The following CASK variants were observed in gnomAD, a reference collection of about 807,000 sequenced individuals.
CASK encodes the protein calcium/calmodulin dependent serine protein kinase, also known as peripheral plasma membrane protein CASK.
Under a neutral mutation model 82.9 loss-of-function variants are expected in CASK, and 4 were observed. That is an observed-to-expected ratio of 0.05 (90% confidence interval 0.02 to 0.11). The LOEUF (loss-of-function observed/expected upper bound fraction) is 0.11, where lower values mean the gene tolerates loss of function less well. CASK is among the 10% of genes least tolerant of loss of function. CASK has a pLI of 1.00. For missense variants in CASK, 358 were observed against 720.9 expected (o/e 0.50, Z 5.76); for synonymous variants, 259 against 253.5 (o/e 1.02, Z -0.20).
At position 41,758,440 on chromosome X, in the gene CASK, A is replaced by G. The variant is rs181891863; in HGVS notation, c.279-12839T>C. Among the ~76,000 whole-genome samples the G allele has an allele frequency of 3.6e-3, 395 of 108,969 alleles. 8 individuals are homozygous for G. The Admixed American group carries it at 0.037, about 10-fold the overall frequency. 94.6% of individuals were successfully genotyped at this position (108,969 alleles called of 115,157 possible). A position where few individuals can be genotyped will look rare whatever the true frequency, so the allele number is the denominator to read the frequency against. Reference sequence around the variant, plus strand: ...ACAAGAGCGAGACTTCATCTCAAAAAAAAAAAAAAAAAGGAAAAAAAAAGA... The same window carrying G: ...ACAAGAGCGAGACTTCATCTCAAAAGAAAAAAAAAAAAGGAAAAAAAAAGA... On this transcript the variant is annotated intron_variant, in intron 3 of 26. Coordinates refer to ENST00000378163, the MANE Select transcript of CASK (RefSeq NM_001367721.1).
At chrX:41,751,937 T>C (rs2068797925) in intron 3 of CASK, among the ~76,000 whole-genome samples, 1 of 108,307 alleles carries the variant, frequency 9.2e-6, no homozygotes, top group Non-Finnish European at 1.9e-5. Context: ...TCCCAGCTAC[T>C]CAAGAGGCTG....
At chrX:41,916,898 T>C (rs755429599) in intron 1 of CASK, among the ~76,000 whole-genome samples, 1 of 112,133 alleles carries the variant, frequency 8.9e-6, no homozygotes, top group African/African-American at 3.2e-5. Context: ...AAACAAATTA[T>C]ATTTTGGACA....
At chrX:41,563,308 G>A (rs1289811146) in intron 16 of CASK, among the ~76,000 whole-genome samples, 4 of 85,886 alleles carry the variant, frequency 4.7e-5, no homozygotes, top group Non-Finnish European at 8.5e-5. Context: ...AGTGAGCTAT[G>A]ATTATGCTAC....
intron 3 of CASK, among the ~76,000 whole-genome samples, chrX:41,762,672 T>C (rs1367339592): frequency 8.9e-6 from 1 of 111,815 alleles, no homozygotes; most frequent in African/African-American, 3.3e-5. Flanking sequence ...TATTCTCAAC[T>C]GGCCTCTATG....
intron 21 of CASK, among the ~76,000 whole-genome samples, chrX:41,550,033 C>T (rs183049747): frequency 7.5e-4 from 82 of 109,394 alleles, no homozygotes; most frequent in African/African-American, 2.6e-3. Flanking sequence ...TGGTGGCAGG[C>T]GCCTGTAATC....
At chrX:41,803,177 C>T (rs1199736311) in intron 2 of CASK, among the ~76,000 whole-genome samples, 2 of 111,468 alleles carry the variant, frequency 1.8e-5, no homozygotes, top group Non-Finnish European at 3.8e-5. Flanking sequence ...GCAGGGGGCC[C>T]TCTGTCACCA....
intron 2 of CASK, among the ~76,000 whole-genome samples, chrX:41,809,959 C>T (rs192029164): frequency 8.2e-4 from 92 of 111,888 alleles, no homozygotes; most frequent in Non-Finnish European, 1.4e-3. Context: ...CTTCAGTAGC[C>T]GATTTGATCA....
At chrX:41,783,931 T>C (rs1403852705) in intron 3 of CASK, among the ~76,000 whole-genome samples, 1 of 112,020 alleles carries the variant, frequency 8.9e-6, no homozygotes, top group Non-Finnish European at 1.9e-5. Context: ...AACGAATACA[T>C]TCGTGGATAA....
chrX:41,735,107 T>C (rs1451184480), intron 5 of CASK, among the ~76,000 whole-genome samples: 2 of 111,406 alleles, frequency 1.8e-5, no homozygotes, highest in East Asian at 2.8e-4. Context: ...TTGGATCATA[T>C]GCCAAGAATT....
rs188948260 is a variant in CASK at position 41,594,290 on chromosome X, G to A, written c.1156-4698C>T. Reference sequence around the variant, plus strand: ...TGTAGGAGTCACAGGACTAAGAAGAGCAAGTATTTGATTATTCCCTTCTCC... The same window carrying A: ...TGTAGGAGTCACAGGACTAAGAAGAACAAGTATTTGATTATTCCCTTCTCC... On this transcript the variant is annotated intron_variant, in intron 12 of 26. Transcript: ENST00000378163. Among the ~76,000 whole-genome samples, 269 of 112,164 alleles carry A rather than the reference G, an allele frequency of 2.4e-3. 1 individual carries two copies. The highest frequency in any genetic ancestry group is 8.5e-3 in the African/African-American group (262 of 30,914).
At chrX:41,734,100 AGT>A (rs975279803) in intron 5 of CASK, among the ~76,000 whole-genome samples, 1 of 111,850 alleles carries the variant, frequency 8.9e-6, no homozygotes, top group African/African-American at 3.2e-5. Context: ...CCTCTGGCTG[AGT>A]GTGTGTGTGA....
At chrX:41,631,097 G>A (rs1377159184) in intron 9 of CASK, among the ~76,000 whole-genome samples, 1 of 111,306 alleles carries the variant, frequency 9.0e-6, no homozygotes, top group African/African-American at 3.3e-5. Context: ...GACTAAAAGA[G>A]GCTGCAGTAT....
chrX:41,542,855 G>T (rs752916030), intron 21 of CASK, 49 bp from the exon 22 acceptor site: 4 of 795,261 alleles, frequency 5.0e-6, no homozygotes, highest in Middle Eastern at 3.0e-4. Flanking sequence ...TATAATTCTG[G>T]TTGATAAAAT....
chrX:41,554,320 C>T (rs2065135419), intron 20 of CASK, among the ~76,000 whole-genome samples: 1 of 111,431 alleles, frequency 9.0e-6, no homozygotes, highest in South Asian at 3.7e-4. Context: ...TAAATACTAG[C>T]AGTCAGGATA....
chrX:41,833,200 C>T (rs1264289127), intron 2 of CASK, among the ~76,000 whole-genome samples: 2 of 111,648 alleles, frequency 1.8e-5, no homozygotes, highest in Non-Finnish European at 3.8e-5. Flanking sequence ...CTTAACTACA[C>T]ATGAATATTC....
chrX:41,622,175 T>C (rs750075161), intron 11 of CASK, among the ~76,000 whole-genome samples: 7 of 112,417 alleles, frequency 6.2e-5, no homozygotes, highest in Non-Finnish European at 1.1e-4. Flanking sequence ...TCAGAATTTA[T>C]TTCACAGGTC....
chrX:41,843,778 A>G (rs1310108865), intron 2 of CASK, among the ~76,000 whole-genome samples: 2 of 111,435 alleles, frequency 1.8e-5, no homozygotes, highest in East Asian at 2.8e-4. Flanking sequence ...TGAATAGAAC[A>G]TATGTAATCT....
At chrX:41,610,236 T>C (rs1330808955) in intron 11 of CASK, among the ~76,000 whole-genome samples, 2 of 112,495 alleles carry the variant, frequency 1.8e-5, no homozygotes, top group Non-Finnish European at 3.8e-5. Context: ...TGTATTTGTG[T>C]GCTCTTCATT....
At chrX:41,751,390 A>C (rs1178484918) in intron 3 of CASK, among the ~76,000 whole-genome samples, 8 of 111,790 alleles carry the variant, frequency 7.2e-5, no homozygotes, top group Non-Finnish European at 1.5e-4. Flanking sequence ...CATTGTGCCC[A>C]GTCAAACAAA....
Sources: gnomAD v4.1 joint callset for allele counts (sites outside exome capture counted in the v4.1 genomes callset) on GRCh38, gnomAD v4.1.1 for gene constraint, MANE v1.5 for transcripts, NCBI Gene and HGNC (gene_info 2026-07-23, HGNC 2026-07-21) for gene names.